MDGA2: variants seen among roughly 807,000 people sequenced by gnomAD.
MDGA2 encodes the protein MAM domain-containing glycosylphosphatidylinositol anchor protein 2.
MDGA2 carries 40 observed loss-of-function variants against 117.8 expected under a neutral mutation model. That is an observed-to-expected ratio of 0.34 (90% CI 0.26 to 0.44). The LOEUF is 0.44. Among genes scored for constraint, MDGA2 ranks in the 20% least tolerant of loss-of-function variants. The pLI, the probability that MDGA2 is intolerant of heterozygous loss-of-function variation, is 1.00. For missense variants in MDGA2, 1,123 were observed against 1,250.6 expected, an observed-to-expected ratio of 0.90 and a Z score of 1.54; for synonymous variants, 452 against 439.0, an observed-to-expected ratio of 1.03 and a Z score of -0.37.
chr14:47,368,023 T>C (rs1891267634), intron 1 of MDGA2, among the ~76,000 whole-genome samples: 1 of 152,172 alleles, frequency 6.6e-6, no homozygotes, highest in African/African-American at 2.4e-5. Flanking sequence ...CTCACGTCTG[T>C]AATCCCAGCA....
chr14:47,660,825 C>T (rs2138291086), intron 1 of MDGA2, among the ~76,000 whole-genome samples: 1 of 152,220 alleles, frequency 6.6e-6, no homozygotes, highest in Admixed American at 6.5e-5. Flanking sequence ...GTAGTAGAAC[C>T]ATTTCTTCAT....
chr14:47,666,508 C>G (rs1385940323), intron 1 of MDGA2, among the ~76,000 whole-genome samples: 1 of 152,166 alleles, frequency 6.6e-6, no homozygotes, highest in Non-Finnish European at 1.5e-5. Context: ...TCTAGCTAAT[C>G]TAGTGGGAAT....
intron 1 of MDGA2, among the ~76,000 whole-genome samples, chr14:47,315,498 T>C (rs947854796): frequency 2.6e-5 from 4 of 152,168 alleles, no homozygotes; most frequent in African/African-American, 9.6e-5. Flanking sequence ...TCTTGGGTCA[T>C]CATTGGAGCA....
At chr14:47,644,963 G>C (rs1249109409) in intron 1 of MDGA2, among the ~76,000 whole-genome samples, 1 of 152,082 alleles carries the variant, frequency 6.6e-6, no homozygotes, top group Non-Finnish European at 1.5e-5. Flanking sequence ...AAAGAAGGAA[G>C]GGGCCATGAG....
intron 1 of MDGA2, among the ~76,000 whole-genome samples, chr14:47,348,218 ATT>A (rs78606952): frequency 1.7e-4 from 24 of 138,066 alleles, no homozygotes; most frequent in South Asian, 2.3e-4. Flanking sequence ...AAATCCTTAA[ATT>A]TTTTTTTTTT....
intron 8 of MDGA2, among the ~76,000 whole-genome samples, chr14:47,016,159 C>A (rs766608895): frequency 6.6e-6 from 1 of 152,002 alleles, no homozygotes; most frequent in Non-Finnish European, 1.5e-5. Flanking sequence ...TGGATTCCAT[C>A]TCTTTTAGTT....
chr14:47,066,588 A>T (rs1890089727), intron 6 of MDGA2, among the ~76,000 whole-genome samples: 1 of 152,214 alleles, frequency 6.6e-6, no homozygotes, highest in Non-Finnish European at 1.5e-5. Flanking sequence ...AGCTATGTGT[A>T]TGGGACATCG....
At chr14:46,971,984 T>C (rs1367487921) in intron 8 of MDGA2, among the ~76,000 whole-genome samples, 1 of 152,184 alleles carries the variant, frequency 6.6e-6, no homozygotes, top group Non-Finnish European at 1.5e-5. Flanking sequence ...AATAAACCTG[T>C]AAATGTAATT....
At chr14:47,000,409 T>A (rs375070185) in intron 8 of MDGA2, among the ~76,000 whole-genome samples, 1,447 of 81,850 alleles carry the variant, frequency 0.018, 31 homozygotes, top group African/African-American at 0.053. Context: ...AAATATATAT[T>A]TATATATATA....
chr14:47,137,306 A>G (rs561638093), intron 4 of MDGA2, among the ~76,000 whole-genome samples: 21 of 152,228 alleles, frequency 1.4e-4, no homozygotes, highest in African/African-American at 4.6e-4. Flanking sequence ...GGCATAGGAG[A>G]AGGTGCTATA....
intron 6 of MDGA2, among the ~76,000 whole-genome samples, chr14:47,061,964 T>C (rs1449139003): frequency 6.6e-6 from 1 of 152,002 alleles, no homozygotes; most frequent in Admixed American, 6.6e-5. Flanking sequence ...TTTAACCTAA[T>C]ACTTTCCCTA....
At chr14:47,401,017 A>G (rs1045586604) in intron 1 of MDGA2, among the ~76,000 whole-genome samples, 2 of 151,366 alleles carry the variant, frequency 1.3e-5, no homozygotes, top group African/African-American at 4.9e-5. Context: ...TCGGCCTCCT[A>G]AAGTGCTGGG....
intron 3 of MDGA2, among the ~76,000 whole-genome samples, chr14:47,153,571 G>A (rs948349569): frequency 2.0e-5 from 3 of 152,098 alleles, no homozygotes; most frequent in African/African-American, 7.2e-5. Flanking sequence ...CTGGGCTACA[G>A]ATATGGATTT....
At chr14:46,977,343 T>G (rs1886502341) in intron 8 of MDGA2, among the ~76,000 whole-genome samples, 1 of 151,872 alleles carries the variant, frequency 6.6e-6, no homozygotes, top group African/African-American at 2.4e-5. Context: ...GTTAAATTTC[T>G]AATATTTTTT....
intron 1 of MDGA2, among the ~76,000 whole-genome samples, chr14:47,429,239 C>G (rs948702225): frequency 6.6e-6 from 1 of 151,510 alleles, no homozygotes; most frequent in African/African-American, 2.4e-5. Context: ...AAAAGACAAA[C>G]AAACCCCTAA....
intron 1 of MDGA2, among the ~76,000 whole-genome samples, chr14:47,339,087 T>C (rs969730530): frequency 6.6e-6 from 1 of 152,100 alleles, no homozygotes; most frequent in Non-Finnish European, 1.5e-5. Flanking sequence ...AATTTGTATC[T>C]TTTACAGGGA....
intron 1 of MDGA2, among the ~76,000 whole-genome samples, chr14:47,572,021 T>C (rs536391593): frequency 6.6e-6 from 1 of 152,342 alleles, no homozygotes; most frequent in South Asian, 2.1e-4. Context: ...GAATACAGAA[T>C]CTGGTTTTTG....
chr14:47,670,436 T>A (rs1898053438), intron 1 of MDGA2, among the ~76,000 whole-genome samples: 1 of 152,198 alleles, frequency 6.6e-6, no homozygotes, highest in Non-Finnish European at 1.5e-5. Flanking sequence ...CTTCTTCTTT[T>A]TTTAGCAAGC....
At chr14:47,501,480 A>T (rs554726189) in intron 1 of MDGA2, among the ~76,000 whole-genome samples, 1 of 152,292 alleles carries the variant, frequency 6.6e-6, no homozygotes, top group African/African-American at 2.4e-5. Flanking sequence ...AGATAGATTA[A>T]TGTTTATTAT....
Sources: allele counts gnomAD v4.1 joint callset (sites outside exome capture counted in the v4.1 genomes callset), GRCh38; gene constraint gnomAD v4.1.1; transcripts MANE v1.5; gene names NCBI Gene and HGNC (gene_info 2026-07-23, HGNC 2026-07-21).